ANXA4: variants seen among roughly 807,000 people sequenced by gnomAD.
The protein encoded by ANXA4 is annexin A4.
In ANXA4, 39 loss-of-function variants were observed where a neutral mutation model predicts 49.8. The observed-to-expected ratio is 0.78, with a 90% confidence interval of 0.61 to 1.02. The LOEUF is 1.02. ANXA4 is among the 50% of genes least tolerant of loss of function. ANXA4 has a pLI of 0.00. For synonymous variants in ANXA4, 134 were observed against 152.5 expected (o/e 0.88, Z 0.89); for missense variants, 360 against 410.1 (o/e 0.88, Z 1.05).
chr2:69,675,819 C>G (rs1018665177), intron 2 of ANXA4, among the ~76,000 whole-genome samples: 2 of 151,904 alleles, frequency 1.3e-5, no homozygotes, highest in Admixed American at 6.6e-5. Context: ...GTCAGGAGAT[C>G]AAGACCATCC....
intron 2 of ANXA4, among the ~76,000 whole-genome samples, chr2:69,709,981 C>CTTTTTTTTTTTTTTTTT (rs974347199): frequency 1.0e-5 from 1 of 97,022 alleles, no homozygotes; most frequent in African/African-American, 4.3e-5. Flanking sequence ...CACTTCCAGG[C>CTTTTTTTTTTTTTTTTT]TTTTTTTTTT....
At chr2:69,691,233 C>T (rs1290819817) in intron 2 of ANXA4, among the ~76,000 whole-genome samples, 1 of 151,746 alleles carries the variant, frequency 6.6e-6, no homozygotes, top group African/African-American at 2.4e-5. Context: ...AAGTGATTCT[C>T]CTGCCTCAGC....
chr2:69,644,938 C>T (rs1317355707), intron 1 of ANXA4: 3 of 152,084 alleles, frequency 2.0e-5, no homozygotes, highest in African/African-American at 7.2e-5. Flanking sequence ...CCTAGATTTC[C>T]TGATGGATGA....
intron 2 of ANXA4, among the ~76,000 whole-genome samples, chr2:69,692,154 G>A (rs143071567): frequency 0.012 from 1,767 of 152,210 alleles, 33 homozygotes; most frequent in African/African-American, 0.038. Context: ...CAAAGTGCTG[G>A]GATTACAGGC....
chr2:69,747,889 T>C (rs143943728), intron 1 of ANXA4, among the ~76,000 whole-genome samples: 118 of 152,124 alleles, frequency 7.8e-4, no homozygotes, highest in African/African-American at 2.6e-3. Flanking sequence ...TCTTACTATG[T>C]TGCCTAGGCT....
chr2:69,762,527 T>A (rs1355904975), intron 1 of ANXA4, among the ~76,000 whole-genome samples: 1 of 152,210 alleles, frequency 6.6e-6, no homozygotes, highest in East Asian at 1.9e-4. Context: ...TGGTTTTCCC[T>A]TTGTTCTTCT....
intron 3 of ANXA4, among the ~76,000 whole-genome samples, chr2:69,724,989 G>A (rs868236233): frequency 6.6e-6 from 1 of 152,230 alleles, no homozygotes; most frequent in African/African-American, 2.4e-5. Context: ...ATTTTATTGA[G>A]TGGAATAATT....
intron 9 of ANXA4, chr2:69,818,324 C>T (rs1416921731): frequency 6.7e-5 from 15 of 224,318 alleles, no homozygotes; most frequent in African/African-American, 3.4e-4. Flanking sequence ...CAAAGCTCCC[C>T]AGAGGCCATC....
At chr2:69,719,406 G>A (rs1208601887) in intron 2 of ANXA4, among the ~76,000 whole-genome samples, 1 of 151,166 alleles carries the variant, frequency 6.6e-6, no homozygotes, top group Non-Finnish European at 1.5e-5. Flanking sequence ...GGGACTACAG[G>A]TATGTGCCAC....
chr2:69,703,694 T>C (rs1205076102), intron 2 of ANXA4, among the ~76,000 whole-genome samples: 1 of 152,262 alleles, frequency 6.6e-6, no homozygotes, highest in Non-Finnish European at 1.5e-5. Flanking sequence ...TCATCTTTCC[T>C]CTCATGGATT....
chr2:69,716,992 G>A (rs1301428069), intron 2 of ANXA4, among the ~76,000 whole-genome samples: 1 of 152,168 alleles, frequency 6.6e-6, no homozygotes, highest in East Asian at 1.9e-4. Flanking sequence ...TCACACTGTG[G>A]CAAGACAAAA....
At chr2:69,749,473 C>T (rs755127685) in intron 1 of ANXA4, among the ~76,000 whole-genome samples, 1 of 152,042 alleles carries the variant, frequency 6.6e-6, no homozygotes, top group Non-Finnish European at 1.5e-5. Flanking sequence ...TAGAAACAAC[C>T]TAAACATCAG....
At chr2:69,820,602 C>G in intron 11 of ANXA4, 97 bp from the exon 12 acceptor site, 1 of 1,444,322 alleles carries the variant, frequency 6.9e-7, no homozygotes, top group Non-Finnish European at 9.5e-7. Flanking sequence ...AGGACATCGT[C>G]AGCACAGTCA....
At chr2:69,727,059 A>G (rs1669979593) in intron 3 of ANXA4, among the ~76,000 whole-genome samples, 1 of 152,000 alleles carries the variant, frequency 6.6e-6, no homozygotes, top group African/African-American at 2.4e-5. Flanking sequence ...ATTTTTTTAG[A>G]CACTGGCTCT....
intron 2 of ANXA4, among the ~76,000 whole-genome samples, chr2:69,656,189 G>GTA (rs151207766): frequency 0.037 from 4,700 of 127,894 alleles, 328 homozygotes; most frequent in African/African-American, 0.12. Context: ...ATATATATAC[G>GTA]TATATATATA....
At chr2:69,737,799 A>G (rs1670281544), upstream of ANXA4, among the ~76,000 whole-genome samples, 2 of 152,150 alleles carry the variant, frequency 1.3e-5, no homozygotes, top group Admixed American at 6.6e-5. Flanking sequence ...GAGAAGATCA[A>G]TAATAGATTT....
intron 1 of ANXA4, among the ~76,000 whole-genome samples, chr2:69,763,355 G>C (rs1056727452): frequency 6.6e-6 from 1 of 152,196 alleles, no homozygotes; most frequent in African/African-American, 2.4e-5. Context: ...GGAGCCAGTT[G>C]AAATCTGTGT....
rs540843310 is a variant in ANXA4 at position 69,765,439 on chromosome 2, G to A, written c.-46-16081G>A. Among the ~76,000 whole-genome samples, 85 of 152,242 alleles carry A rather than the reference G, an allele frequency of 5.6e-4. 1 individual carries two copies. The highest frequency in any genetic ancestry group is 3.7e-3 in the South Asian group (18 of 4,818). On this transcript the variant is annotated intron_variant, in intron 1 of 12. Coordinates refer to ENST00000394295, the MANE Select transcript of ANXA4 (RefSeq NM_001153.5). ...ATAGTAGCCATTCTAATGGGTATGA[G>A]TGGAGTTCAGTGAGTGTTGGCAGAT...
chr2:69,643,849 C>A (rs1319151312), upstream of ANXA4: 1 of 1,180,296 alleles, frequency 8.5e-7, no homozygotes, highest in Non-Finnish European at 1.0e-6. Flanking sequence ...GGGACCGGGG[C>A]CTCTCCTGCA....
Sources: allele counts gnomAD v4.1 joint callset (sites outside exome capture counted in the v4.1 genomes callset), GRCh38; gene constraint gnomAD v4.1.1; transcripts MANE v1.5; gene names NCBI Gene and HGNC (gene_info 2026-07-23, HGNC 2026-07-21).